The following RNF128 variants were observed in gnomAD, a reference collection of about 807,000 sequenced individuals.
RNF128 encodes E3 ubiquitin-protein ligase RNF128.
Under a neutral mutation model 26.2 loss-of-function variants are expected in RNF128, and 13 were observed. The observed-to-expected ratio is 0.50, with a 90% CI of 0.32 to 0.79. RNF128 has a LOEUF of 0.79. Ranked by LOEUF, RNF128 falls within the 30% of genes least tolerant of loss-of-function variation. The probability of loss-of-function intolerance (pLI) is 0.03; values close to 1 mark genes in which losing one functional copy is unlikely to be tolerated. For synonymous variants in RNF128, 149 were observed against 142.5 expected (o/e 1.05, Z -0.32); for missense variants, 315 against 349.7 (o/e 0.90, Z 0.79).
intron 2 of RNF128, among the ~76,000 whole-genome samples, chrX:106,784,766 A>G (rs1461815126): frequency 9.0e-6 from 1 of 111,705 alleles, no homozygotes; most frequent in Non-Finnish European, 1.9e-5. Flanking sequence ...TGCTTTGAAA[A>G]TTCATAGTAT....
At chrX:106,767,197 G>A (rs1602385044) in intron 1 of RNF128, among the ~76,000 whole-genome samples, 4 of 111,449 alleles carry the variant, frequency 3.6e-5, no homozygotes, top group Non-Finnish European at 1.9e-5. Flanking sequence ...TTGGCGATGC[G>A]GGCTCTTTGG....
intron 1 of RNF128, among the ~76,000 whole-genome samples, chrX:106,699,420 A>AT (rs1440247588): frequency 8.1e-4 from 88 of 108,040 alleles, no homozygotes; most frequent in Non-Finnish European, 1.4e-3. Context: ...CTTCTCCTTC[A>AT]TTTTTTTTTC....
chrX:106,694,776 A>C (rs2147654811), intron 1 of RNF128, among the ~76,000 whole-genome samples: 1 of 111,458 alleles, frequency 9.0e-6, no homozygotes, highest in Admixed American at 9.6e-5. Context: ...CTCCTGCAAA[A>C]GGGATTGTAT....
chrX:106,703,071 A>ACTACAC (rs1928985335), intron 1 of RNF128, among the ~76,000 whole-genome samples: 2 of 112,144 alleles, frequency 1.8e-5, no homozygotes, highest in Non-Finnish European at 3.8e-5. Flanking sequence ...TCAATATGCA[A>ACTACAC]TGATAGTAAC....
intron 1 of RNF128, among the ~76,000 whole-genome samples, chrX:106,714,933 G>A (rs1298487963): frequency 8.9e-6 from 1 of 111,916 alleles, no homozygotes; most frequent in Non-Finnish European, 1.9e-5. Flanking sequence ...ATGTACCACA[G>A]TTTGTTTTAC....
intron 1 of RNF128, among the ~76,000 whole-genome samples, chrX:106,696,305 AT>A (rs1928872374): frequency 9.0e-6 from 1 of 111,169 alleles, no homozygotes; most frequent in Non-Finnish European, 1.9e-5. Flanking sequence ...TAAATTTGGA[AT>A]TTTGCCCTTT....
At chrX:106,775,331 A>G (rs927714664) in intron 2 of RNF128, among the ~76,000 whole-genome samples, 4 of 112,137 alleles carry the variant, frequency 3.6e-5, no homozygotes, top group Non-Finnish European at 5.6e-5. Flanking sequence ...CAGTATTCTC[A>G]GTGCTATAAT....
chrX:106,790,226 G>T lies in RNF128; in HGVS notation c.928G>T (p.Glu310Ter), dbSNP rs1175723797. The part of the protein sequence containing the change: ...HKTCVDPWLL[E>*]HRTCPMCKCD... ...GACATGTGTTGACCCATGGCTGTTA[G>T]AACACAGGACTTGCCCCATGTGCAA... Residue 310 changes from glutamate to a stop codon, truncating the protein, a stop_gained, in exon 5 of 7, where the codon GAA becomes TAA. Transcript: ENST00000255499. LOFTEE classifies it high-confidence loss of function. The T allele has an allele frequency of 1.7e-6, 2 of 1,204,072 alleles. No homozygotes were observed. Among genetic ancestry groups the T allele is most frequent in the South Asian group, 3.6e-5 (2 of 56,051 alleles).
intron 1 of RNF128, among the ~76,000 whole-genome samples, chrX:106,764,129 A>AC (rs1556330875): frequency 9.5e-6 from 1 of 105,300 alleles, no homozygotes; most frequent in Admixed American, 1.0e-4. Context: ...CGCCCGACTA[A>AC]TTTTTTTTTG....
chrX:106,719,618 G>T (rs1452437275), intron 1 of RNF128, among the ~76,000 whole-genome samples: 1 of 111,365 alleles, frequency 9.0e-6, no homozygotes, highest in African/African-American at 3.3e-5. Flanking sequence ...TCTCTCATTT[G>T]TCCTAGGCAA....
intron 2 of RNF128, among the ~76,000 whole-genome samples, chrX:106,781,737 T>C (rs1020976691): frequency 8.9e-6 from 1 of 112,476 alleles, no homozygotes; most frequent in African/African-American, 3.2e-5. Flanking sequence ...AACACATTTT[T>C]ATTCTAAGGC....
intron 6 of RNF128, among the ~76,000 whole-genome samples, chrX:106,794,410 A>G (rs1002781077): frequency 2.7e-5 from 3 of 111,139 alleles, no homozygotes; most frequent in Admixed American, 1.9e-4. Flanking sequence ...CTTCATTTTC[A>G]TACTCTTATT....
intron 1 of RNF128, among the ~76,000 whole-genome samples, chrX:106,704,110 G>C (rs977538050): frequency 1.8e-5 from 2 of 110,356 alleles, no homozygotes; most frequent in African/African-American, 6.6e-5. Context: ...AAATGCTGTT[G>C]AGTCTCCAAG....
chrX:106,704,405 C>G (rs1421216331), intron 1 of RNF128, among the ~76,000 whole-genome samples: 2 of 93,718 alleles, frequency 2.1e-5, no homozygotes, highest in African/African-American at 8.0e-5. Context: ...GCACTCCAGC[C>G]TGGGCGACAG....
At chrX:106,710,746 CAAAAAAAAAAA>C (rs11326354) in intron 1 of RNF128, among the ~76,000 whole-genome samples, 2 of 35,206 alleles carry the variant, frequency 5.7e-5, no homozygotes, top group Admixed American at 9.0e-4. Flanking sequence ...GAAAGTCTGT[CAAAAAAAAAAA>C]AAAAAAAAAA....
intron 4 of RNF128, among the ~76,000 whole-genome samples, chrX:106,788,372 AT>A (rs1188267117): frequency 2.2e-5 from 1 of 46,145 alleles, no homozygotes; most frequent in African/African-American, 1.2e-4. Flanking sequence ...TATAATATAT[AT>A]TATATATTAT....
At chrX:106,696,850 T>C (rs533083823) in intron 1 of RNF128, among the ~76,000 whole-genome samples, 82 of 111,958 alleles carry the variant, frequency 7.3e-4, no homozygotes, top group Non-Finnish European at 1.2e-3. Flanking sequence ...GTTGCAGCAA[T>C]TGGAAGAGCA....
intron 1 of RNF128, among the ~76,000 whole-genome samples, chrX:106,700,290 C>T (rs921012446): frequency 1.4e-4 from 16 of 110,958 alleles, no homozygotes; most frequent in Admixed American, 1.3e-3. Flanking sequence ...TCCCAAAGTG[C>T]TGGGATTATA....
At chrX:106,754,819 T>C (rs1929971608) in intron 1 of RNF128, among the ~76,000 whole-genome samples, 1 of 109,321 alleles carries the variant, frequency 9.1e-6, no homozygotes, top group South Asian at 3.9e-4. Context: ...TAAAAATGAG[T>C]GCCTACATCA....
Sources: gnomAD v4.1 joint callset for allele counts (sites outside exome capture counted in the v4.1 genomes callset) on GRCh38, gnomAD v4.1.1 for gene constraint, MANE v1.5 for transcripts, NCBI Gene and HGNC (gene_info 2026-07-23, HGNC 2026-07-21) for gene names.